Variants in FHIT observed in about 807,000 individuals in gnomAD.
FHIT encodes fragile histidine triad diadenosine triphosphatase, also known as bis(5'-adenosyl)-triphosphatase.
In FHIT, 19 loss-of-function variants were observed where a neutral mutation model predicts 17.9. That is an observed-to-expected ratio of 1.06 (90% confidence interval 0.74 to 1.56). The LOEUF (loss-of-function observed/expected upper bound fraction) is 1.56. Among genes scored for constraint, FHIT ranks in the 40% most tolerant of loss-of-function variants. The probability of loss-of-function intolerance (pLI) is 0.00; values close to 1 mark genes in which losing one functional copy is unlikely to be tolerated. For synonymous variants in FHIT, 81 were observed against 69.7 expected (o/e 1.16, Z -0.81); for missense variants, 248 against 189.2 (o/e 1.31, Z -1.82).
intron 5 of FHIT, among the ~76,000 whole-genome samples, chr3:60,089,529 C>G (rs535272789): frequency 3.9e-4 from 60 of 152,272 alleles, no homozygotes; most frequent in Middle Eastern, 3.4e-3. Flanking sequence ...GTCACCCATA[C>G]AAGCTTCTGG....
intron 4 of FHIT, among the ~76,000 whole-genome samples, chr3:60,674,992 T>C (rs1424764350): frequency 1.3e-5 from 2 of 152,186 alleles, no homozygotes; most frequent in Admixed American, 1.3e-4. Context: ...ATCAGTTCAT[T>C]GAAACAAGCA....
intron 4 of FHIT, among the ~76,000 whole-genome samples, chr3:60,749,692 A>G (rs2042428792): frequency 6.6e-6 from 1 of 152,204 alleles, no homozygotes; most frequent in Admixed American, 6.5e-5. Context: ...AATCTCTAGG[A>G]GACAATTGGA....
chr3:59,949,188 T>A (rs1048287828), intron 7 of FHIT, among the ~76,000 whole-genome samples: 1 of 152,246 alleles, frequency 6.6e-6, no homozygotes, highest in African/African-American at 2.4e-5. Flanking sequence ...GAGTCCTTCA[T>A]CAGTAACTTT....
At chr3:60,005,228 T>C (rs188777607) in intron 7 of FHIT, among the ~76,000 whole-genome samples, 2 of 152,314 alleles carry the variant, frequency 1.3e-5, no homozygotes, top group East Asian at 1.9e-4. Context: ...GTGAAAATAC[T>C]AGGGAGCTTG....
chr3:59,955,314 C>T, intron 7 of FHIT, among the ~76,000 whole-genome samples: 1 of 152,192 alleles, frequency 6.6e-6, no homozygotes, highest in East Asian at 1.9e-4. Flanking sequence ...CTGGGATAGC[C>T]TTCTTTCCTG....
At chr3:60,852,290 G>T (rs1338662606) in intron 3 of FHIT, among the ~76,000 whole-genome samples, 3 of 152,044 alleles carry the variant, frequency 2.0e-5, no homozygotes, top group Non-Finnish European at 2.9e-5. Flanking sequence ...TACACCATTG[G>T]GTCTCCTGGG....
chr3:60,365,976 T>G (rs1002207880), intron 5 of FHIT, among the ~76,000 whole-genome samples: 2 of 152,236 alleles, frequency 1.3e-5, no homozygotes, highest in Non-Finnish European at 2.9e-5. Flanking sequence ...TCATTTTGCC[T>G]TCATTGAATG....
intron 4 of FHIT, among the ~76,000 whole-genome samples, chr3:60,689,437 C>G (rs1183104410): frequency 6.6e-6 from 1 of 152,122 alleles, no homozygotes; most frequent in Non-Finnish European, 1.5e-5. Context: ...TATAAGTAGT[C>G]TAGAGATAAT....
At chr3:60,495,547 T>C (rs1222674181) in intron 5 of FHIT, among the ~76,000 whole-genome samples, 2 of 152,068 alleles carry the variant, frequency 1.3e-5, no homozygotes, top group East Asian at 1.9e-4. Flanking sequence ...ATTATTGACA[T>C]TGGAACTTGA....
At chr3:60,349,825 A>G (rs1209170946) in intron 5 of FHIT, among the ~76,000 whole-genome samples, 6 of 152,328 alleles carry the variant, frequency 3.9e-5, no homozygotes, top group African/African-American at 1.4e-4. Flanking sequence ...CGTAAATCAT[A>G]TATGATTATC....
chr3:60,642,074 G>C (rs927105728), intron 4 of FHIT, among the ~76,000 whole-genome samples: 3 of 151,966 alleles, frequency 2.0e-5, no homozygotes, highest in Non-Finnish European at 4.4e-5. Flanking sequence ...TGATGAGAAA[G>C]ACTTCCATGG....
At chr3:59,926,873 G>C (rs1416026924) in intron 7 of FHIT, among the ~76,000 whole-genome samples, 2 of 152,130 alleles carry the variant, frequency 1.3e-5, no homozygotes, top group African/African-American at 4.8e-5. Context: ...CTACACTACT[G>C]GGGATGTAAA....
chr3:61,146,014 T>C (rs1426471444), intron 2 of FHIT, among the ~76,000 whole-genome samples: 1 of 152,026 alleles, frequency 6.6e-6, no homozygotes, highest in Non-Finnish European at 1.5e-5. Flanking sequence ...ATCCACAATA[T>C]TGAGCAATTA....
At chr3:61,153,174 C>T (rs1207182623) in intron 2 of FHIT, among the ~76,000 whole-genome samples, 2 of 150,168 alleles carry the variant, frequency 1.3e-5, no homozygotes, top group Non-Finnish European at 3.0e-5. Flanking sequence ...CAATAGTGGT[C>T]CAAGTTCAAG....
chr3:60,630,123 G>T (rs552088454), intron 4 of FHIT, among the ~76,000 whole-genome samples: 1 of 152,120 alleles, frequency 6.6e-6, no homozygotes, highest in Non-Finnish European at 1.5e-5. Context: ...TGTCCTAAAG[G>T]ACTCTATCAA....
chr3:60,099,507 C>T (rs1012429992), intron 5 of FHIT, among the ~76,000 whole-genome samples: 1 of 152,138 alleles, frequency 6.6e-6, no homozygotes, highest in Non-Finnish European at 1.5e-5. Flanking sequence ...GGCTGTTAAC[C>T]TGTACCCTCT....
In FHIT at chr3:60,764,413, G is replaced by A. The variant is rs1349434213; in HGVS notation, c.-18+57506C>T. Among the ~76,000 whole-genome samples the A allele has an allele frequency of 2.6e-5, 4 of 152,180 alleles. No individual in the cohort carries two copies. In the East Asian group the frequency reaches 7.7e-4, roughly 29 times the overall value. On this transcript the variant is annotated intron_variant, in intron 4 of 9. Coordinates refer to ENST00000492590, the MANE Select transcript of FHIT (RefSeq NM_002012.4). ...AATAGGATTTCCTCAGCTGTAGGTG[G>A]ATGGGTAGGTGGGGAGGTGGATGAA...
chr3:60,218,465 G>C (rs530584836), intron 5 of FHIT, among the ~76,000 whole-genome samples: 14 of 152,198 alleles, frequency 9.2e-5, no homozygotes, highest in Admixed American at 4.6e-4. Context: ...GACAAACATA[G>C]TTTACAGCTT....
At chr3:59,991,737 G>A (rs772285989) in intron 7 of FHIT, among the ~76,000 whole-genome samples, 7 of 151,922 alleles carry the variant, frequency 4.6e-5, no homozygotes, top group South Asian at 2.1e-4. Context: ...CTCAACAGTC[G>A]TTGTCTCCCT....
Sources: gnomAD v4.1 joint callset for allele counts (sites outside exome capture counted in the v4.1 genomes callset) on GRCh38, gnomAD v4.1.1 for gene constraint, MANE v1.5 for transcripts, NCBI Gene and HGNC (gene_info 2026-07-23, HGNC 2026-07-21) for gene names.